Variants in MYO1D observed in about 807,000 individuals in gnomAD.
MYO1D encodes unconventional myosin-Id.
In MYO1D, 83 loss-of-function variants were observed where a neutral mutation model predicts 122.0. The ratio of observed to expected loss-of-function variants is 0.68; its 90% CI spans 0.57 to 0.82. The LOEUF is 0.82. MYO1D is among the 40% of genes least tolerant of loss of function. The probability of loss-of-function intolerance (pLI) is 0.00; values close to 1 mark genes in which losing one functional copy is unlikely to be tolerated. For missense variants in MYO1D, 1,157 were observed against 1,269.5 expected (o/e 0.91, Z 1.35); for synonymous variants, 464 against 446.9 (o/e 1.04, Z -0.48).
chr17:32,754,593 T>G (rs2089928506), intron 11 of MYO1D, among the ~76,000 whole-genome samples: 1 of 152,234 alleles, frequency 6.6e-6, no homozygotes, highest in South Asian at 2.1e-4. Flanking sequence ...AGGAGATAAG[T>G]TAGAAAATAG....
At chr17:32,831,753 T>C (rs781194928) in intron 1 of MYO1D, among the ~76,000 whole-genome samples, 1 of 152,214 alleles carries the variant, frequency 6.6e-6, no homozygotes, top group Non-Finnish European at 1.5e-5. Context: ...CATACTTAAA[T>C]GCTGGGGTGT....
intron 21 of MYO1D, among the ~76,000 whole-genome samples, chr17:32,512,066 C>T (rs1445901022): frequency 2.0e-5 from 3 of 151,994 alleles, no homozygotes; most frequent in African/African-American, 2.4e-5. Context: ...TTTGGGAGGC[C>T]GAGGTGGGCG....
chr17:32,829,890 C>CA (rs1219386843), intron 1 of MYO1D, among the ~76,000 whole-genome samples: 1 of 152,136 alleles, frequency 6.6e-6, no homozygotes, highest in Admixed American at 6.6e-5. Flanking sequence ...CCAACCCACT[C>CA]ACCGCTAATC....
chr17:32,779,069 C>A (rs2090209168), intron 2 of MYO1D, among the ~76,000 whole-genome samples: 1 of 152,042 alleles, frequency 6.6e-6, no homozygotes, highest in Non-Finnish European at 1.5e-5. Flanking sequence ...GCTCCAGACA[C>A]AAGGTATCAT....
chr17:32,564,973 TAGAC>T (rs1455634151), intron 21 of MYO1D, among the ~76,000 whole-genome samples: 4 of 152,228 alleles, frequency 2.6e-5, no homozygotes, highest in African/African-American at 9.6e-5. Flanking sequence ...TGCATATAAC[TAGAC>T]ATCATTTCAT....
At chr17:32,637,999 T>C (rs1191739961) in intron 20 of MYO1D, among the ~76,000 whole-genome samples, 2 of 152,180 alleles carry the variant, frequency 1.3e-5, no homozygotes, top group African/African-American at 4.8e-5. Flanking sequence ...GTTCCCAGTA[T>C]TAGACAAACA....
At chr17:32,589,328 G>A (rs1008031327) in intron 21 of MYO1D, among the ~76,000 whole-genome samples, 1 of 152,198 alleles carries the variant, frequency 6.6e-6, no homozygotes, top group Admixed American at 6.5e-5. Flanking sequence ...AACGTGTTGA[G>A]CCACAGCTCC....
At position 32,857,510 on chromosome 17, in the gene MYO1D, AG is replaced by A. The variant is rs2091036922; in HGVS notation, c.95+19267del. Reference sequence around the variant, plus strand: ...TGAGGCAGGGGAATGGCGTGAACCCAGGAGGTGGAGCTTGCAGTGAGCCGAG... The same window carrying A: ...TGAGGCAGGGGAATGGCGTGAACCCAGAGGTGGAGCTTGCAGTGAGCCGAG... On this transcript the variant is annotated intron_variant, in intron 1 of 21. Transcript: ENST00000318217. 2.0e-5 allele frequency among the ~76,000 whole-genome samples: 3 copies of A among 150,026 alleles called. No homozygotes were observed. In the Admixed American group the frequency reaches 2.0e-4, roughly 10 times the overall value.
chr17:32,624,765 T>C (rs983875329), intron 20 of MYO1D, among the ~76,000 whole-genome samples: 3 of 151,592 alleles, frequency 2.0e-5, no homozygotes, highest in Non-Finnish European at 4.4e-5. Context: ...ATTTTCTTTT[T>C]CTTGTTTTCC....
chr17:32,514,014 C>T (rs1264925108), intron 21 of MYO1D, among the ~76,000 whole-genome samples: 2 of 151,554 alleles, frequency 1.3e-5, no homozygotes, highest in Non-Finnish European at 2.9e-5. Flanking sequence ...GAGGTTGAGG[C>T]GGGTAGATCA....
At chr17:32,753,030 C>T (rs1022601535) in intron 11 of MYO1D, among the ~76,000 whole-genome samples, 1 of 151,944 alleles carries the variant, frequency 6.6e-6, no homozygotes, top group Non-Finnish European at 1.5e-5. Flanking sequence ...AAGTGTCTAT[C>T]GACAAATGAT....
chr17:32,540,069 G>C (rs529641167), intron 21 of MYO1D, among the ~76,000 whole-genome samples: 1 of 152,214 alleles, frequency 6.6e-6, no homozygotes, highest in Admixed American at 6.5e-5. Context: ...AAAGAGGCCG[G>C]ACACAGTGGC....
chr17:32,703,307 A>C (rs2089269791), intron 16 of MYO1D, among the ~76,000 whole-genome samples: 1 of 152,228 alleles, frequency 6.6e-6, no homozygotes, highest in African/African-American at 2.4e-5. Context: ...AGGTGGGTCA[A>C]GAAATCTATT....
intron 3 of MYO1D, 59 bp downstream of exon 3, chr17:32,778,421 C>T (rs1567637964): frequency 6.5e-7 from 1 of 1,533,954 alleles, no homozygotes; most frequent in Admixed American, 1.7e-5. Context: ...TAGGTCTAGC[C>T]AAGTCCATAG....
chr17:32,873,797 C>A (rs1410987617), intron 1 of MYO1D, among the ~76,000 whole-genome samples: 1 of 152,204 alleles, frequency 6.6e-6, no homozygotes, highest in Non-Finnish European at 1.5e-5. Flanking sequence ...TCATCAAGGA[C>A]ACACAGATGA....
chr17:32,752,890 T>C (rs550599723), intron 11 of MYO1D, among the ~76,000 whole-genome samples: 1 of 152,294 alleles, frequency 6.6e-6, no homozygotes, highest in Admixed American at 6.5e-5. Flanking sequence ...TTCTTTTAAA[T>C]GGTAGTTCTA....
chr17:32,773,888 TC>T (rs2090148632), intron 4 of MYO1D, among the ~76,000 whole-genome samples: 1 of 152,068 alleles, frequency 6.6e-6, no homozygotes, highest in Non-Finnish European at 1.5e-5. Flanking sequence ...TAGTCTCTGC[TC>T]CCAATGCGAC....
At chr17:32,529,876 G>A (rs1334910817) in intron 21 of MYO1D, 2 of 152,134 alleles carry the variant, frequency 1.3e-5, no homozygotes, top group African/African-American at 4.8e-5. Flanking sequence ...AAACAAACAC[G>A]GGGAGCCAGG....
chr17:32,764,765 T>C (rs990078222), intron 8 of MYO1D, 113 bp downstream of exon 8: 2 of 1,131,516 alleles, frequency 1.8e-6, no homozygotes, highest in Non-Finnish European at 2.6e-6. Context: ...ATCATTATGG[T>C]TTCTAAAAGC....
Sources: allele counts gnomAD v4.1 joint callset (sites outside exome capture counted in the v4.1 genomes callset), GRCh38; gene constraint gnomAD v4.1.1; transcripts MANE v1.5; gene names NCBI Gene and HGNC (gene_info 2026-07-23, HGNC 2026-07-21).